The following PALM2AKAP2 variants were observed in gnomAD, a reference collection of about 807,000 sequenced individuals.
PALM2AKAP2 encodes the protein PALM2-AKAP2 fusion protein.
In PALM2AKAP2, 37 loss-of-function variants were observed where a neutral mutation model predicts 71.5. The observed-to-expected ratio is 0.52, with a 90% CI of 0.40 to 0.68. The LOEUF (loss-of-function observed/expected upper bound fraction) is 0.68. Among genes scored for constraint, PALM2AKAP2 ranks in the 30% least tolerant of loss-of-function variants. The pLI is 0.00. For synonymous variants in PALM2AKAP2, 468 were observed against 478.8 expected, an observed-to-expected ratio of 0.98 and a Z score of 0.29; for missense variants, 1,224 against 1,191.8, an observed-to-expected ratio of 1.03 and a Z score of -0.40.
chr9:109,917,475 G>T (rs992050810), intron 3 of PALM2AKAP2, among the ~76,000 whole-genome samples: 1 of 147,802 alleles, frequency 6.8e-6, no homozygotes, highest in South Asian at 2.2e-4. Flanking sequence ...TTAAGCCAAC[G>T]CTCCTTTCCT....
chr9:109,662,896 G>A (rs1403669942), intron 1 of PALM2AKAP2, among the ~76,000 whole-genome samples: 1 of 152,098 alleles, frequency 6.6e-6, no homozygotes, highest in Non-Finnish European at 1.5e-5. Context: ...TTTAGTCTTG[G>A]GAGGGTGTAT....
chr9:110,140,765 C>G (rs1836007250), intron 2 of PALM2AKAP2, among the ~76,000 whole-genome samples: 1 of 152,238 alleles, frequency 6.6e-6, no homozygotes, highest in African/African-American at 2.4e-5. Context: ...CAGGTGGCCA[C>G]TGCCACGACC....
At chr9:109,653,135 C>G (rs561965749) in intron 1 of PALM2AKAP2, among the ~76,000 whole-genome samples, 1 of 152,152 alleles carries the variant, frequency 6.6e-6, no homozygotes, top group Non-Finnish European at 1.5e-5. Flanking sequence ...ATGCTGCCTC[C>G]GTGATCATGG....
At chr9:109,909,981 G>C (rs1254227786) in intron 3 of PALM2AKAP2, among the ~76,000 whole-genome samples, 1 of 152,168 alleles carries the variant, frequency 6.6e-6, no homozygotes, top group East Asian at 1.9e-4. Flanking sequence ...CTGGATTTTA[G>C]GGTGATGGGG....
chr9:110,119,021 T>C (rs1835425323), intron 1 of PALM2AKAP2, among the ~76,000 whole-genome samples: 1 of 152,126 alleles, frequency 6.6e-6, no homozygotes, highest in Non-Finnish European at 1.5e-5. Flanking sequence ...AGTTCTTCTG[T>C]TCTTTTAAAG....
intron 3 of PALM2AKAP2, among the ~76,000 whole-genome samples, chr9:109,917,484 CT>C (rs59106508): frequency 0.061 from 6,840 of 111,372 alleles, 94 homozygotes; most frequent in Middle Eastern, 0.095. Context: ...CGCTCCTTTC[CT>C]TTTTTTTTTT....
chr9:109,681,919 T>A (rs1008391364), intron 1 of PALM2AKAP2, among the ~76,000 whole-genome samples: 2 of 152,134 alleles, frequency 1.3e-5, no homozygotes, highest in Non-Finnish European at 2.9e-5. Context: ...GGCATTCAGG[T>A]GACTGGGTTT....
chr9:110,058,294 A>G (rs1833889438), intron 1 of PALM2AKAP2, among the ~76,000 whole-genome samples: 1 of 152,180 alleles, frequency 6.6e-6, no homozygotes, highest in South Asian at 2.1e-4. Flanking sequence ...CTGAAGCATG[A>G]AAGATTTCCA....
chr9:109,734,816 A>G (rs1009820018), intron 1 of PALM2AKAP2, among the ~76,000 whole-genome samples: 1 of 152,196 alleles, frequency 6.6e-6, no homozygotes, highest in African/African-American at 2.4e-5. Flanking sequence ...AATGGCCAAA[A>G]GCATTTGCAG....
intron 1 of PALM2AKAP2, among the ~76,000 whole-genome samples, chr9:109,643,033 G>A (rs561184759): frequency 1.5e-4 from 23 of 149,112 alleles, no homozygotes; most frequent in Admixed American, 6.0e-4. Context: ...AGAAAGAAAG[G>A]AAGGAAGGAA....
chr9:110,099,959 G>A (rs935387981), intron 1 of PALM2AKAP2, among the ~76,000 whole-genome samples: 2 of 150,300 alleles, frequency 1.3e-5, no homozygotes, highest in African/African-American at 4.9e-5. Context: ...GGGGGAGGGG[G>A]TGGTCAGAGG....
chr9:110,145,629 T>C (rs1362351337), intron 2 of PALM2AKAP2, among the ~76,000 whole-genome samples: 1 of 152,036 alleles, frequency 6.6e-6, no homozygotes, highest in Non-Finnish European at 1.5e-5. Flanking sequence ...CTTTTAAAAA[T>C]TGATCTTTCT....
intron 1 of PALM2AKAP2, among the ~76,000 whole-genome samples, chr9:109,827,628 G>A (rs144971922): frequency 6.6e-6 from 1 of 152,128 alleles, no homozygotes; most frequent in African/African-American, 2.4e-5. Context: ...AAAAAATTAT[G>A]AGTTGCTGGA....
rs117095390 is a variant in PALM2AKAP2 at position 110,130,012 on chromosome 9, G to T, written c.157-6115G>T. Among the ~76,000 whole-genome samples the T allele has an allele frequency of 3.0e-3, 453 of 152,274 alleles. 6 individuals are homozygous for T. In the East Asian group the frequency reaches 0.046, roughly 16 times the overall value. ...GAGCTGCCATAGATTCTGACTTTGA[G>T]TCTTTCCCGGGCCTTTTTTCTTTCA... On this transcript the variant is annotated intron_variant, in intron 1 of 3. Transcript: ENST00000374525.
At chr9:110,136,801 G>A in exon 2 of PALM2AKAP2, 2 of 1,614,198 alleles carry the variant, frequency 1.2e-6, no homozygotes, top group Non-Finnish European at 1.7e-6. Flanking sequence ...ATGAGGACAA[G>A]AAGCCCTCCA....
chr9:109,661,623 C>G (rs1182784227), intron 1 of PALM2AKAP2, among the ~76,000 whole-genome samples: 1 of 152,114 alleles, frequency 6.6e-6, no homozygotes, highest in East Asian at 1.9e-4. Flanking sequence ...GTGCTTTTTG[C>G]TTAGGATTGT....
intron 6 of PALM2AKAP2, among the ~76,000 whole-genome samples, chr9:109,953,846 A>G (rs1831692883): frequency 6.6e-6 from 1 of 151,504 alleles, no homozygotes; most frequent in Admixed American, 6.6e-5. Flanking sequence ...AAAAAAAAAA[A>G]AAAAAAAAAG....
intron 1 of PALM2AKAP2, among the ~76,000 whole-genome samples, chr9:110,080,174 C>T (rs1236148211): frequency 6.6e-6 from 1 of 151,712 alleles, no homozygotes; most frequent in African/African-American, 2.4e-5. Context: ...CATTCAGCAG[C>T]TACTACACGC....
At chr9:109,932,294 C>T (rs538817514) in intron 6 of PALM2AKAP2, among the ~76,000 whole-genome samples, 1 of 152,264 alleles carries the variant, frequency 6.6e-6, no homozygotes, top group African/African-American at 2.4e-5. Flanking sequence ...GTTTGTGGTC[C>T]TTATATCTGT....
Sources: gnomAD v4.1 joint callset for allele counts (sites outside exome capture counted in the v4.1 genomes callset) on GRCh38, gnomAD v4.1.1 for gene constraint, MANE v1.5 for transcripts, NCBI Gene and HGNC (gene_info 2026-07-23, HGNC 2026-07-21) for gene names.